CSPG5: variants seen among roughly 807,000 people sequenced by gnomAD.
CSPG5 encodes the protein acidic leucine-rich EGF-like domain-containing brain protein.
Under a neutral mutation model 39.8 loss-of-function variants are expected in CSPG5, and 25 were observed. The observed-to-expected ratio is 0.63, with a 90% CI of 0.46 to 0.88. The LOEUF (loss-of-function observed/expected upper bound fraction) is 0.88. CSPG5 is among the 40% of genes least tolerant of loss of function. The pLI is 0.00. For synonymous variants in CSPG5, 295 were observed against 303.9 expected, an observed-to-expected ratio of 0.97 and a Z score of 0.31; for missense variants, 627 against 702.2, an observed-to-expected ratio of 0.89 and a Z score of 1.21.
At chr3:47,565,604 T>C (rs1246114916) in intron 4 of CSPG5, among the ~76,000 whole-genome samples, 2 of 151,216 alleles carry the variant, frequency 1.3e-5, no homozygotes, top group African/African-American at 4.9e-5. Flanking sequence ...AAACATCTAT[T>C]GGAAGAGGGT....
rs1472947838 is a variant in CSPG5 at position 47,572,560 on chromosome 3, T to G, written c.1382+126A>C. The G allele has an allele frequency of 2.5e-6, 2 of 791,596 alleles. No individual in the cohort carries two copies. The highest frequency in any genetic ancestry group is 3.4e-5 in the African/African-American group (2 of 58,036). The allele number at this position is 791,596 out of a possible 1,614,324, so 49.0% of individuals were successfully genotyped here. ...GAATTTTTAGCACAGACAAAACAGC[T>G]GGGAATGGAGCACAGGTGCCAGAAA... On this transcript the variant is annotated intron_variant, in intron 3 of 4. Transcript: ENST00000264723. The surrounding 1 kb of genome is among the most constrained non-coding windows in gnomAD (Gnocchi z 4.5).
At position 47,578,338 on chromosome 3, in the gene CSPG5, G is replaced by GC. The variant is rs1234034756; in HGVS notation, c.97+258dup. ...CCCGCCCCGGCCCCGCCCCGGCCCC[G>GC]CCCCCGGCCCCGCCCCCAGTCCGCA... On this transcript the variant is annotated intron_variant, in intron 1 of 4. Coordinates refer to ENST00000264723, the MANE Select transcript of CSPG5 (RefSeq NM_006574.4). The surrounding 1 kb of genome is among the most constrained non-coding windows in gnomAD (Gnocchi z 6.0). Among the ~76,000 whole-genome samples the GC allele has an allele frequency of 5.0e-3, 39 of 7,874 alleles. No homozygotes were observed. The highest frequency in any genetic ancestry group is 0.017 in the African/African-American group (34 of 1,956). The allele number at this position is 7,874 out of a possible 152,430, so 5.2% of individuals were successfully genotyped here.
chr3:47,565,499 G>A (rs1411684952), intron 4 of CSPG5, among the ~76,000 whole-genome samples: 1 of 152,064 alleles, frequency 6.6e-6, no homozygotes, highest in Non-Finnish European at 1.5e-5. Context: ...AAGTTCCTAG[G>A]AACCACTGTG....
Position 47,578,047 on chromosome 3 carries a change from C to T in CSPG5, c.98-119G>A, listed in dbSNP as rs1056027689. 1.5e-6 allele frequency: 2 copies of T among 1,305,908 alleles called. No homozygotes were observed. The highest frequency in any genetic ancestry group is 1.6e-5 in the African/African-American group (1 of 64,352). 80.9% of individuals were successfully genotyped at this position (1,305,908 alleles called of 1,614,324 possible). On this transcript the variant is annotated intron_variant, in intron 1 of 4. Transcript: ENST00000264723. This position sits in a 1 kb window ranked among gnomAD's most constrained non-coding sequence, Gnocchi z 6.0. ...CCTGGTCAACCCAGACCTCGCCACC[C>T]TCAGACCCCACCGCCCCAGTGTGAC... is the stretch of plus-strand genomic sequence containing the variant.
chr3:47,565,727 A>C (rs1005301159), intron 4 of CSPG5, among the ~76,000 whole-genome samples: 1 of 151,960 alleles, frequency 6.6e-6, no homozygotes, highest in Non-Finnish European at 1.5e-5. Flanking sequence ...AAATCCTAGG[A>C]ATAAACTGAA....
At chr3:47,566,379 AC>A (rs1231062576) in intron 4 of CSPG5, among the ~76,000 whole-genome samples, 2 of 152,004 alleles carry the variant, frequency 1.3e-5, no homozygotes, top group East Asian at 3.9e-4. Flanking sequence ...GGCTGCTGGC[AC>A]CCCTTGCAGG....
chr3:47,564,285 T>C (rs1204488861), intron 4 of CSPG5, among the ~76,000 whole-genome samples: 1 of 152,182 alleles, frequency 6.6e-6, no homozygotes, highest in Non-Finnish European at 1.5e-5. Context: ...CACTAGGTTA[T>C]GGGAGTGATG....
Position 47,562,665 on chromosome 3 carries a change from G to C in CSPG5, c.1555C>G (p.Leu519Val). Residue 519 changes from leucine (L) to valine (V), a missense_variant, in exon 5 of 5, where the codon CTT becomes GTT. Coordinates refer to ENST00000264723, the MANE Select transcript of CSPG5 (RefSeq NM_006574.4). Reference sequence around the variant, plus strand: ...GCCTGGTCACCTTTGCCACCCTCAAGTTTGGGCGACATGGAGTTCTGGATG... The same window carrying C: ...GCCTGGTCACCTTTGCCACCCTCAACTTTGGGCGACATGGAGTTCTGGATG... ...FNIQNSMSPKLEGGKGDQADL... is the reference protein window; with the variant it reads ...FNIQNSMSPKVEGGKGDQADL... The C allele has an allele frequency of 6.2e-7, 1 of 1,613,804 alleles. No homozygotes were observed. Among genetic ancestry groups the C allele is most frequent in the Non-Finnish European group, 8.5e-7 (1 of 1,179,974 alleles).
At position 47,577,565 on chromosome 3, in the gene CSPG5, G is replaced by A; in HGVS notation, c.461C>T (p.Ser154Phe). 1 of 1,610,762 alleles carries A rather than the reference G, an allele frequency of 6.2e-7. No homozygotes were observed. The change falls in exon 2 of 5, where the codon TCC becomes TTC. Residue 154 changes from serine to phenylalanine, a missense_variant. Ser to Phe is a radical substitution (Grantham distance 155). Transcript: ENST00000264723. The surrounding 1 kb of genome is among the most constrained non-coding windows in gnomAD (Gnocchi z 4.7). Reference sequence around the variant, plus strand: ...GCTCAGCTTGTCGCCGGGGGTGGGGGAGGGTGGCCCGCTGGCCTCTGTAGC... The same window carrying A: ...GCTCAGCTTGTCGCCGGGGGTGGGGAAGGGTGGCCCGCTGGCCTCTGTAGC... ...PEATEASGPP[S>F]PTPGDKLSPA...
chr3:47,565,060 A>G (rs1230303880), intron 4 of CSPG5, among the ~76,000 whole-genome samples: 1 of 152,072 alleles, frequency 6.6e-6, no homozygotes, highest in African/African-American at 2.4e-5. Flanking sequence ...CTCCTTCATC[A>G]CATATTCTCT....
Position 47,571,852 on chromosome 3 carries a change from C to A in CSPG5, c.1382+834G>T, listed in dbSNP as rs180717221. Among the ~76,000 whole-genome samples, 42 of 152,318 alleles carry A rather than the reference C, an allele frequency of 2.8e-4. 1 individual carries two copies. The highest frequency in any genetic ancestry group is 2.5e-3 in the Admixed American group (38 of 15,308). On this transcript the variant is annotated intron_variant, in intron 3 of 4. Transcript: ENST00000264723. ...CTGAACTCCAATCTCCCTTTTGTGA[C>A]TCCTGTGACACTTCCAAAAGGTTTT...
In CSPG5 at chr3:47,569,114, G is replaced by T; in HGVS notation, c.1458+38C>A. The T allele has an allele frequency of 2.5e-6, 4 of 1,591,496 alleles. No individual in the cohort carries two copies. The South Asian group carries it at 4.6e-5, about 18-fold the overall frequency. On this transcript the variant is annotated intron_variant, in intron 4 of 4. Transcript: ENST00000264723. ...ATAGTGAGCCAAGGCACGGGCATGGGGGGAGGAGGTACGGGGAGTGTTGCA... is the reference window on the plus strand; with the variant it reads ...ATAGTGAGCCAAGGCACGGGCATGGTGGGAGGAGGTACGGGGAGTGTTGCA...
In CSPG5 at chr3:47,572,695, C is replaced by A. The variant is rs759474596; in HGVS notation, c.1373G>T (p.Arg458Leu). 3.0e-5 allele frequency: 49 copies of A among 1,613,808 alleles called. No homozygotes were observed. The highest frequency in any genetic ancestry group is 4.1e-5 in the Non-Finnish European group (48 of 1,179,892). ...YLLKTENTKL[R>L]RTNKFRTPSE... ...AGTGACACAGACTCACTTGGTCCTACGCAGCTTGGTATTCTCCGTCTTGAG... is the reference window on the plus strand; with the variant it reads ...AGTGACACAGACTCACTTGGTCCTAAGCAGCTTGGTATTCTCCGTCTTGAG... Residue 458 changes from arginine (R) to leucine (L), a missense_variant, in exon 3 of 5, where the codon CGT (arginine) becomes CTT (leucine). Physicochemically the swap from Arg to Leu is moderately radical, Grantham distance 102 (BLOSUM62 -2). Coordinates refer to ENST00000264723, the MANE Select transcript of CSPG5 (RefSeq NM_006574.4). The surrounding 1 kb of genome is among the most constrained non-coding windows in gnomAD (Gnocchi z 4.5).
chr3:47,574,276 T>C (rs949825474), intron 2 of CSPG5, among the ~76,000 whole-genome samples: 1 of 152,274 alleles, frequency 6.6e-6, no homozygotes, highest in Non-Finnish European at 1.5e-5. Context: ...CTGGGGACTT[T>C]TACAGCTCTC....
rs557218610 is a variant in CSPG5, at chr3:47,577,149, C to G, written c.877G>C (p.Asp293His). The change falls in exon 2 of 5, where the codon GAC becomes CAC. Residue 293 changes from aspartate to histidine, a missense_variant. Coordinates refer to ENST00000264723, the MANE Select transcript of CSPG5 (RefSeq NM_006574.4). The surrounding 1 kb of genome is among the most constrained non-coding windows in gnomAD (Gnocchi z 4.7). ...EDDKDAVGGG[D>H]LEDENELLVP... is the part of the protein sequence containing the mutation. ...AGAAGCTCATTTTCATCTTCTAGGT[C>G]TCCACCTCCTACTGCATCTTTGTCA... The G allele has an allele frequency of 1.2e-4, 196 of 1,613,328 alleles. 1 individual carries two copies. Among genetic ancestry groups the G allele is most frequent in the Non-Finnish European group, 1.5e-4 (181 of 1,179,794 alleles).
chr3:47,576,988 TG>T lies in CSPG5; in HGVS notation c.1037del (p.Pro346GlnfsTer48). ...TTTCACTGGAGGCCAAGTCCCTGCC[TG>T]GCTCTCCTGGGCGGGGCCTGAGGGC... ...SIALRPRPGE[P>X]GRDLASSENG... is the part of the protein sequence containing the mutation. On this transcript the variant is annotated frameshift_variant, in exon 2 of 5. Transcript: ENST00000264723. LOFTEE classifies it high-confidence loss of function. 1 of 1,613,652 alleles carries T rather than the reference TG, an allele frequency of 6.2e-7. No homozygotes were observed. Among genetic ancestry groups the T allele is most frequent in the South Asian group, 1.1e-5 (1 of 91,052 alleles).
intron 2 of CSPG5, among the ~76,000 whole-genome samples, chr3:47,575,240 A>G (rs1457376658): frequency 6.6e-6 from 1 of 152,216 alleles, no homozygotes; most frequent in Non-Finnish European, 1.5e-5. Flanking sequence ...AGCCTGGCCA[A>G]TATGGTGAAA....
Position 47,578,656 on chromosome 3 carries a change from G to A in CSPG5, c.38C>T (p.Pro13Leu). ...RAGGGGPGRG[P>L]PPLLLFLGAA... ...CCCCAGAAACAGCAGCAGTGGCGGC[G>A]GCCCCCGGCCCGGGCCCCCGCCCCC... Residue 13 changes from proline (P) to leucine (L), a missense_variant, in exon 1 of 5, where the codon CCG becomes CTG. Coordinates refer to ENST00000264723, the MANE Select transcript of CSPG5 (RefSeq NM_006574.4). The surrounding 1 kb of genome is among the most constrained non-coding windows in gnomAD (Gnocchi z 6.0). 1 of 1,116,076 alleles carries A rather than the reference G, an allele frequency of 9.0e-7. No homozygotes were observed. Among genetic ancestry groups the A allele is most frequent in the South Asian group, 4.2e-5 (1 of 23,700 alleles). The allele number at this position is 1,116,076 out of a possible 1,614,324, so 69.1% of individuals were successfully genotyped here.
intron 3 of CSPG5, among the ~76,000 whole-genome samples, chr3:47,571,159 T>G (rs2031513826): frequency 1.3e-5 from 2 of 151,084 alleles, no homozygotes; most frequent in South Asian, 2.1e-4. Context: ...TGTTAATATG[T>G]GGGGAAAAAA....
Sources: gnomAD v4.1 joint callset for allele counts (sites outside exome capture counted in the v4.1 genomes callset) on GRCh38, gnomAD v4.1.1 for gene constraint, Gnocchi (gnomAD v3.1) non-coding constraint, MANE v1.5 for transcripts, NCBI Gene and HGNC (gene_info 2026-07-23, HGNC 2026-07-21) for gene names.